The following KIF24 variants were observed in gnomAD, a reference collection of about 807,000 sequenced individuals.
KIF24 encodes the protein kinesin family member 24, also known as kinesin-like protein KIF24.
A neutral mutation model predicts 118.9 loss-of-function variants in KIF24; 81 were observed. That is an observed-to-expected ratio of 0.68 (90% CI 0.57 to 0.82). The LOEUF is 0.82. Among genes scored for constraint, KIF24 ranks in the 40% least tolerant of loss-of-function variants. The probability of loss-of-function intolerance (pLI) is 0.00; values close to 1 mark genes in which losing one functional copy is unlikely to be tolerated. For missense variants in KIF24, 1,560 were observed against 1,661.6 expected, an observed-to-expected ratio of 0.94 and a Z score of 1.06; for synonymous variants, 599 against 610.0, an observed-to-expected ratio of 0.98 and a Z score of 0.27.
At chr9:34,319,377 A>G in intron 1 of KIF24, 1 of 881,136 alleles carries the variant, frequency 1.1e-6, no homozygotes, top group South Asian at 1.3e-5. Flanking sequence ...GCTTGGCCTG[A>G]CTGAGGCCAT....
rs749554247 is a variant in KIF24, at chr9:34,311,175, T to C, written c.172A>G (p.Ile58Val). 7.2e-5 allele frequency: 116 copies of C among 1,613,480 alleles called. 1 individual carries two copies. Among genetic ancestry groups the C allele is most frequent in the South Asian group, 5.8e-4 (53 of 91,036 alleles). ...MNDRKRLFQLIKIIKIMQEED... is the reference protein window; with the variant it reads ...MNDRKRLFQLVKIIKIMQEED... Reference sequence around the variant, plus strand: ...TCTTGCATAATCTTAATAATTTTGATAAGTTGGAAGAGACGTTTGCGGTCG... The same window carrying C: ...TCTTGCATAATCTTAATAATTTTGACAAGTTGGAAGAGACGTTTGCGGTCG... Residue 58 changes from isoleucine to valine, a missense_variant, in exon 2 of 13, where the codon ATC (isoleucine) becomes GTC (valine). Transcript: ENST00000402558.
At chr9:34,332,042 CT>C (rs1235510341), upstream of KIF24, among the ~76,000 whole-genome samples, 17 of 152,208 alleles carry the variant, frequency 1.1e-4, no homozygotes, top group African/African-American at 4.1e-4. Context: ...TTGCAATAGA[CT>C]TGTAACTGGT....
At chr9:34,277,158 C>T (rs974452808) in intron 6 of KIF24, among the ~76,000 whole-genome samples, 5 of 152,028 alleles carry the variant, frequency 3.3e-5, no homozygotes, top group Non-Finnish European at 5.9e-5. Context: ...CTCATAATCC[C>T]AGTGATTATA....
At position 34,318,708 on chromosome 9, in the gene KIF24, T is replaced by C. The variant is rs780698686; in HGVS notation, c.-25-7337A>G. Reference sequence around the variant, plus strand: ...AAGGCAGTGCTGAGTGCCAAGCAGCTGAGCGACGAGGAGGTGCACGCCGGC... The same window carrying C: ...AAGGCAGTGCTGAGTGCCAAGCAGCCGAGCGACGAGGAGGTGCACGCCGGC... On this transcript the variant is annotated intron_variant, in intron 1 of 12. Coordinates refer to ENST00000402558, the MANE Select transcript of KIF24 (RefSeq NM_194313.4). The surrounding 1 kb of genome is among the most constrained non-coding windows in gnomAD (Gnocchi z 4.9). The C allele has an allele frequency of 7.1e-5, 108 of 1,519,620 alleles. No individual in the cohort carries two copies. The highest frequency in any genetic ancestry group is 9.2e-5 in the Non-Finnish European group (103 of 1,117,728). The allele number at this position is 1,519,620 out of a possible 1,614,324, so 94.1% of individuals were successfully genotyped here.
At chr9:34,313,906 T>C (rs556931160) in intron 1 of KIF24, among the ~76,000 whole-genome samples, 6 of 141,960 alleles carry the variant, frequency 4.2e-5, no homozygotes, top group African/African-American at 1.5e-4. Flanking sequence ...CACCACCACA[T>C]GTGGCTAATT....
intron 7 of KIF24, among the ~76,000 whole-genome samples, chr9:34,269,961 T>C (rs1281946287): frequency 1.3e-5 from 2 of 151,178 alleles, no homozygotes; most frequent in African/African-American, 2.4e-5. Flanking sequence ...TGGTGGCTCA[T>C]GCCTGTAATC....
At chr9:34,279,513 G>A (rs1182907479) in intron 6 of KIF24, among the ~76,000 whole-genome samples, 3 of 152,362 alleles carry the variant, frequency 2.0e-5, no homozygotes, top group Non-Finnish European at 2.9e-5. Flanking sequence ...GAAATGTGAT[G>A]AGGCAGTGAG....
At position 34,311,164 on chromosome 9, in the gene KIF24, A is replaced by G. The variant is rs757156385; in HGVS notation, c.183T>C (p.Ile61=). ...RKRLFQLIKI[I]KIMQEEDKAV... ...CTTTATCTTCTTCTTGCATAATCTT[A>G]ATAATTTTGATAAGTTGGAAGAGAC... is the stretch of plus-strand genomic sequence containing the variant. The change falls in exon 2 of 13, where the codon ATT becomes ATC. Residue 61 remains isoleucine, a synonymous_variant. Transcript: ENST00000402558. The G allele has an allele frequency of 6.2e-6, 10 of 1,613,354 alleles. No homozygotes were observed. Among genetic ancestry groups the G allele is most frequent in the Non-Finnish European group, 8.5e-7 (1 of 1,179,534 alleles).
intron 7 of KIF24, 61 bp downstream of exon 7, chr9:34,271,748 T>C (rs1380912378): frequency 1.9e-6 from 3 of 1,581,118 alleles, no homozygotes; most frequent in African/African-American, 1.3e-5. Context: ...TGAGAAAACA[T>C]ACTTCAAAGT....
chr9:34,311,309 T>A lies in KIF24; in HGVS notation c.38A>T (p.Glu13Val). ...SWLYECLCEA[E>V]LAQYYSHFTA... ...GAAATGAGAATAATACTGTGCAAGT[T>A]CAGCTTCACAAAGACATTCATATAA... The change falls in exon 2 of 13, where the codon GAA becomes GTA. Residue 13 changes from glutamate to valine, a missense_variant. Glu to Val is a moderately radical substitution (Grantham distance 121). Coordinates refer to ENST00000402558, the MANE Select transcript of KIF24 (RefSeq NM_194313.4). 3 of 1,591,644 alleles carry A rather than the reference T, an allele frequency of 1.9e-6. No individual in the cohort carries two copies. Among genetic ancestry groups the A allele is most frequent in the Non-Finnish European group, 2.6e-6 (3 of 1,168,232 alleles).
At chr9:34,294,984 T>G (rs770120295) in intron 4 of KIF24, among the ~76,000 whole-genome samples, 2 of 152,236 alleles carry the variant, frequency 1.3e-5, no homozygotes, top group Non-Finnish European at 1.5e-5. Context: ...ACTTAAGATC[T>G]GTGCATCTTA....
intron 6 of KIF24, among the ~76,000 whole-genome samples, chr9:34,281,384 C>G (rs529970990): frequency 1.1e-3 from 167 of 152,226 alleles, no homozygotes; most frequent in African/African-American, 3.9e-3. Context: ...AGTAGAGTAT[C>G]GTGAAAAAGG....
intron 3 of KIF24, among the ~76,000 whole-genome samples, chr9:34,304,656 T>A (rs567141746): frequency 6.6e-6 from 1 of 152,270 alleles, no homozygotes; most frequent in Admixed American, 6.5e-5. Flanking sequence ...CAGCAATCGA[T>A]AAGGCTGTTA....
At chr9:34,291,251 G>A (rs1010843224) in intron 4 of KIF24, among the ~76,000 whole-genome samples, 1 of 152,174 alleles carries the variant, frequency 6.6e-6, no homozygotes, top group African/African-American at 2.4e-5. Flanking sequence ...GAAGGCAGAA[G>A]CTGAAAAGCA....
chr9:34,324,313 C>G (rs1427717347), intron 1 of KIF24, among the ~76,000 whole-genome samples: 1 of 152,192 alleles, frequency 6.6e-6, no homozygotes. Context: ...CTCCACTTCT[C>G]TCTTCTTTGG....
upstream of KIF24, among the ~76,000 whole-genome samples, chr9:34,331,703 A>T (rs1278069905): frequency 6.6e-6 from 1 of 152,246 alleles, no homozygotes; most frequent in Non-Finnish European, 1.5e-5. Context: ...ATTTTAAAAA[A>T]GTAAATTCCC....
chr9:34,260,230 A>G (rs930178184), intron 9 of KIF24, among the ~76,000 whole-genome samples: 1 of 152,202 alleles, frequency 6.6e-6, no homozygotes, highest in African/African-American at 2.4e-5. Context: ...TGGCAATCAC[A>G]CTTCTAGGAC....
chr9:34,305,446 G>T (rs1400028261), intron 3 of KIF24, among the ~76,000 whole-genome samples: 4 of 152,094 alleles, frequency 2.6e-5, no homozygotes, highest in Admixed American at 2.0e-4. Context: ...TGCCCAAAAA[G>T]ATATTGTCCA....
At chr9:34,286,589 G>T in intron 6 of KIF24, 28 bp downstream of exon 6, 1 of 1,455,738 alleles carries the variant, frequency 6.9e-7, no homozygotes, top group African/African-American at 1.4e-5. Context: ...TGTTGTGGTG[G>T]GGTAATAAAG....
Sources: allele counts gnomAD v4.1 joint callset (sites outside exome capture counted in the v4.1 genomes callset), GRCh38; gene constraint gnomAD v4.1.1; non-coding constraint Gnocchi (gnomAD v3.1); transcripts MANE v1.5; gene names NCBI Gene and HGNC (gene_info 2026-07-23, HGNC 2026-07-21).